Variants in TMEM9B observed in about 807,000 individuals in gnomAD.
TMEM9B encodes the protein TMEM9 domain family member B.
A neutral mutation model predicts 23.5 loss-of-function variants in TMEM9B; 8 were observed. The ratio of observed to expected loss-of-function variants is 0.34; its 90% CI spans 0.20 to 0.61. TMEM9B has a LOEUF of 0.61. Among genes scored for constraint, TMEM9B ranks in the 20% least tolerant of loss-of-function variants. The pLI, the probability that TMEM9B is intolerant of heterozygous loss-of-function variation, is 0.78. For missense variants in TMEM9B, 197 were observed against 252.3 expected, an observed-to-expected ratio of 0.78 and a Z score of 1.49; for synonymous variants, 106 against 96.3, an observed-to-expected ratio of 1.10 and a Z score of -0.59.
At chr11:8,956,378 G>C (rs1279550069) in intron 2 of TMEM9B, 80 bp from the exon 3 acceptor site, 1 of 1,065,906 alleles carries the variant, frequency 9.4e-7, no homozygotes, top group Non-Finnish European at 1.4e-6. Flanking sequence ...CTGAAATCTA[G>C]AATAATCACT....
chr11:8,963,131 C>T (rs1267734556), intron 1 of TMEM9B, among the ~76,000 whole-genome samples: 2 of 152,190 alleles, frequency 1.3e-5, no homozygotes, highest in Admixed American at 6.5e-5. Context: ...AAAATAAATA[C>T]ATGATCACAA....
intron 4 of TMEM9B, among the ~76,000 whole-genome samples, chr11:8,952,024 G>A (rs1853885570): frequency 6.6e-6 from 1 of 151,930 alleles, no homozygotes; most frequent in Non-Finnish European, 1.5e-5. Context: ...CAGGAGAATT[G>A]CTTGAACTTG....
chr11:8,960,990 A>T (rs1475151796), intron 2 of TMEM9B, among the ~76,000 whole-genome samples: 3 of 152,172 alleles, frequency 2.0e-5, no homozygotes, highest in African/African-American at 7.2e-5. Context: ...CGGCCTGAAC[A>T]TTCTTGTATC....
At chr11:8,953,088 G>T (rs1589944902) in intron 4 of TMEM9B, 115 bp downstream of exon 4, 1 of 1,311,118 alleles carries the variant, frequency 7.6e-7, no homozygotes, top group Non-Finnish European at 1.1e-6. Flanking sequence ...AGCTTCTCTA[G>T]TTGAGGATCT....
At position 8,956,266 on chromosome 11, in the gene TMEM9B, A is replaced by C; in HGVS notation, c.230T>G (p.Val77Gly). 6.2e-7 allele frequency: 1 copy of C among 1,613,802 alleles called. No homozygotes were observed. The highest frequency in any genetic ancestry group is 1.6e-4 in the Middle Eastern group (1 of 6,062). Residue 77 changes from valine to glycine, a missense_variant, in exon 3 of 5, where the codon GTG becomes GGG. Coordinates refer to ENST00000534025, the MANE Select transcript of TMEM9B (RefSeq NM_020644.3). ...GTATGCTTCTACATCAGGCCCCCGC[A>C]CAGGCATGGGCTCCACAACATGAAG... The part of the protein sequence containing the change: ...DCLHVVEPMP[V>G]RGPDVEAYCL...
At chr11:8,954,536 G>A (rs1453593263) in intron 3 of TMEM9B, among the ~76,000 whole-genome samples, 2 of 152,002 alleles carry the variant, frequency 1.3e-5, no homozygotes, top group African/African-American at 2.4e-5. Flanking sequence ...TGATCCACCC[G>A]CCTCGGACTT....
intron 1 of TMEM9B, chr11:8,962,941 C>G (rs1310166916): frequency 1.3e-5 from 2 of 152,252 alleles, no homozygotes; most frequent in Non-Finnish European, 2.9e-5. Flanking sequence ...GGACCTTGCC[C>G]ACTCCTCCTA....
chr11:8,960,426 G>C (rs1289598108), intron 2 of TMEM9B, among the ~76,000 whole-genome samples: 1 of 152,106 alleles, frequency 6.6e-6, no homozygotes, highest in Non-Finnish European at 1.5e-5. Flanking sequence ...ACAGGTGTGA[G>C]CCACCATGTC....
chr11:8,955,791 C>T (rs979933175), intron 3 of TMEM9B, among the ~76,000 whole-genome samples: 1 of 152,140 alleles, frequency 6.6e-6, no homozygotes, highest in Non-Finnish European at 1.5e-5. Flanking sequence ...CTGGGGACCA[C>T]TGTCCTACAG....
At chr11:8,958,047 T>C (rs1214039044) in intron 2 of TMEM9B, among the ~76,000 whole-genome samples, 18 of 150,240 alleles carry the variant, frequency 1.2e-4, no homozygotes, top group Admixed American at 1.2e-3. Flanking sequence ...TAATCCCAGC[T>C]ACTCAGGAGG....
At chr11:8,961,470 G>C (rs1304442740) in intron 2 of TMEM9B, among the ~76,000 whole-genome samples, 1 of 152,222 alleles carries the variant, frequency 6.6e-6, no homozygotes, top group Non-Finnish European at 1.5e-5. Flanking sequence ...AAAGCTATTT[G>C]TCAGGTCTGC....
chr11:8,964,522 C>T (rs1035818229), upstream of TMEM9B: 19 of 1,378,450 alleles, frequency 1.4e-5, no homozygotes, highest in Middle Eastern at 2.7e-4. Context: ...TGCGAAGGGC[C>T]GGGAGGCTGG....
At chr11:8,953,459 T>G (rs372991342) in intron 3 of TMEM9B, 122 bp from the exon 4 acceptor site, 1 of 911,708 alleles carries the variant, frequency 1.1e-6, no homozygotes, top group Non-Finnish European at 1.6e-6. Flanking sequence ...ACAAACCAGA[T>G]AGCAATATAA....
At chr11:8,954,639 A>G (rs547390202) in intron 3 of TMEM9B, among the ~76,000 whole-genome samples, 6 of 152,354 alleles carry the variant, frequency 3.9e-5, no homozygotes, top group African/African-American at 1.4e-4. Context: ...ATAGAATTGT[A>G]TACTTATAGT....
At chr11:8,948,687 C>CA (rs1853821651) in intron 4 of TMEM9B, among the ~76,000 whole-genome samples, 1 of 152,148 alleles carries the variant, frequency 6.6e-6, no homozygotes, top group Non-Finnish European at 1.5e-5. Context: ...TAAGCGATGA[C>CA]AGAGTATTTG....
Position 8,963,870 on chromosome 11 carries a change from G to C in TMEM9B, c.105+339C>G, listed in dbSNP as rs1207650641. On this transcript the variant is annotated intron_variant, in intron 1 of 4. Coordinates refer to ENST00000534025, the MANE Select transcript of TMEM9B (RefSeq NM_020644.3). ...AAGAGCTTAGGGTGGAAAGTTAAAG[G>C]CTCTCGGAGGTGAAAAGGTTGTCAA... The C allele has an allele frequency of 1.4e-5, 4 of 295,574 alleles. No homozygotes were observed. The East Asian group carries it at 3.2e-4, about 24-fold the overall frequency. 18.3% of individuals were successfully genotyped at this position (295,574 alleles called of 1,614,324 possible). A position where few individuals can be genotyped will look rare whatever the true frequency, so the allele number is the denominator to read the frequency against.
intron 1 of TMEM9B, among the ~76,000 whole-genome samples, chr11:8,963,471 A>C (rs2134879797): frequency 6.6e-6 from 1 of 152,352 alleles, no homozygotes; most frequent in Admixed American, 6.5e-5. Context: ...GAGCTGGGGC[A>C]CCAGAGAACA....
At chr11:8,953,558 A>T (rs190517076) in intron 3 of TMEM9B, among the ~76,000 whole-genome samples, 1 of 152,308 alleles carries the variant, frequency 6.6e-6, no homozygotes, top group African/African-American at 2.4e-5. Flanking sequence ...CAAGACTCCA[A>T]CTTCACCTAC....
intron 2 of TMEM9B, among the ~76,000 whole-genome samples, chr11:8,960,881 C>T (rs1449557162): frequency 2.6e-5 from 4 of 152,004 alleles, no homozygotes; most frequent in Admixed American, 1.3e-4. Flanking sequence ...GACAGGGTTT[C>T]ACTCTGTTGG....
Sources: gnomAD v4.1 joint callset for allele counts (sites outside exome capture counted in the v4.1 genomes callset) on GRCh38, gnomAD v4.1.1 for gene constraint, MANE v1.5 for transcripts, NCBI Gene and HGNC (gene_info 2026-07-23, HGNC 2026-07-21) for gene names.